Variants in UBR3 observed in about 807,000 individuals in gnomAD.
UBR3 encodes the protein ubiquitin protein ligase E3 component n-recognin 3.
Under a neutral mutation model 243.2 loss-of-function variants are expected in UBR3, and 85 were observed. The observed-to-expected ratio is 0.35, with a 90% CI of 0.29 to 0.42. The LOEUF (loss-of-function observed/expected upper bound fraction) is 0.42. Among genes scored for constraint, UBR3 ranks in the 10% least tolerant of loss-of-function variants. UBR3 has a pLI of 1.00. For missense variants in UBR3, 1,686 were observed against 2,300.8 expected (o/e 0.73, Z 5.47); for synonymous variants, 748 against 799.8 (o/e 0.94, Z 1.09).
At chr2:169,918,397 AT>A (rs2085547284) in intron 11 of UBR3, among the ~76,000 whole-genome samples, 1 of 151,444 alleles carries the variant, frequency 6.6e-6, no homozygotes, top group Non-Finnish European at 1.5e-5. Context: ...AGAGGCACAT[AT>A]TACATGTGTG....
At chr2:169,954,489 C>A (rs778772090) in intron 23 of UBR3, among the ~76,000 whole-genome samples, 1 of 151,664 alleles carries the variant, frequency 6.6e-6, no homozygotes, top group African/African-American at 2.4e-5. Context: ...GTGATCCCCC[C>A]GCCTCAGCCC....
At chr2:170,027,060 C>T (rs1414829111) in intron 30 of UBR3, among the ~76,000 whole-genome samples, 1 of 151,728 alleles carries the variant, frequency 6.6e-6, no homozygotes, top group Non-Finnish European at 1.5e-5. Flanking sequence ...GAATCTTGTA[C>T]TTTTATTTTA....
chr2:170,031,845 G>C (rs182951387), intron 31 of UBR3, among the ~76,000 whole-genome samples: 2 of 152,114 alleles, frequency 1.3e-5, no homozygotes, highest in Non-Finnish European at 2.9e-5. Flanking sequence ...TTGTGACAAA[G>C]GACATAATTT....
chr2:169,940,491 A>G (rs970064401), intron 19 of UBR3, among the ~76,000 whole-genome samples: 4 of 151,992 alleles, frequency 2.6e-5, no homozygotes, highest in African/African-American at 9.7e-5. Flanking sequence ...TGTTTTTTTG[A>G]TATTTTTGAG....
At chr2:170,029,845 A>G (rs1400159079) in intron 31 of UBR3, among the ~76,000 whole-genome samples, 1 of 152,060 alleles carries the variant, frequency 6.6e-6, no homozygotes, top group Non-Finnish European at 1.5e-5. Flanking sequence ...GCTAAAATCC[A>G]TTATTTCATT....
intron 24 of UBR3, among the ~76,000 whole-genome samples, chr2:169,961,224 A>G (rs776717933): frequency 5.3e-5 from 8 of 152,106 alleles, no homozygotes; most frequent in Non-Finnish European, 8.8e-5. Flanking sequence ...TTCTCCAGGC[A>G]TGCCTTATAG....
intron 24 of UBR3, among the ~76,000 whole-genome samples, chr2:169,972,693 A>G (rs1045838950): frequency 6.6e-6 from 1 of 152,050 alleles, no homozygotes; most frequent in African/African-American, 2.4e-5. Flanking sequence ...ATGCAGAAAA[A>G]GCCTTTGACA....
intron 30 of UBR3, among the ~76,000 whole-genome samples, chr2:170,027,874 C>T (rs1387032464): frequency 2.0e-5 from 3 of 151,774 alleles, no homozygotes; most frequent in Non-Finnish European, 4.4e-5. Flanking sequence ...GTATCATCTA[C>T]GAAACCAGGC....
At chr2:169,924,281 T>C (rs1001448033) in intron 13 of UBR3, 108 bp downstream of exon 13, 7 of 870,838 alleles carry the variant, frequency 8.0e-6, no homozygotes, top group Admixed American at 3.5e-5. Context: ...GTTTGAAAAC[T>C]TTTTTTAAAA....
intron 2 of UBR3, among the ~76,000 whole-genome samples, chr2:169,873,596 T>C (rs1454903957): frequency 1.3e-5 from 2 of 151,898 alleles, no homozygotes; most frequent in African/African-American, 2.4e-5. Context: ...TCCCTTGAGC[T>C]CAGGAGTTCA....
At chr2:170,004,178 G>A (rs920056715) in intron 27 of UBR3, among the ~76,000 whole-genome samples, 4 of 152,226 alleles carry the variant, frequency 2.6e-5, no homozygotes, top group African/African-American at 9.6e-5. Context: ...AAGAAAAAAT[G>A]TGGTGGGGGC....
intron 1 of UBR3, among the ~76,000 whole-genome samples, chr2:169,845,447 G>T (rs1254831921): frequency 9.5e-4 from 131 of 138,212 alleles, no homozygotes; most frequent in Non-Finnish European, 1.7e-3. Context: ...GAAATTTTGA[G>T]TTTTTTTTTT....
At chr2:169,903,446 G>A (rs942684970) in intron 8 of UBR3, among the ~76,000 whole-genome samples, 5 of 152,124 alleles carry the variant, frequency 3.3e-5, no homozygotes, top group African/African-American at 1.2e-4. Flanking sequence ...TCATGGCCAG[G>A]GGTTAGTATA....
intron 5 of UBR3, among the ~76,000 whole-genome samples, chr2:169,888,879 A>G (rs149100474): frequency 2.9e-4 from 44 of 152,250 alleles, no homozygotes; most frequent in African/African-American, 9.9e-4. Flanking sequence ...GTGTGCTATT[A>G]TATATTTACC....
chr2:169,832,288 C>T (rs760982985), intron 1 of UBR3, among the ~76,000 whole-genome samples: 8 of 152,204 alleles, frequency 5.3e-5, no homozygotes, highest in Non-Finnish European at 1.0e-4. Context: ...CGGTGGCTCA[C>T]GCCTGCAATC....
At chr2:169,990,438 A>G (rs1375590758) in intron 25 of UBR3, among the ~76,000 whole-genome samples, 1 of 152,120 alleles carries the variant, frequency 6.6e-6, no homozygotes, top group African/African-American at 2.4e-5. Context: ...CAAAGTTGCA[A>G]AGATTCAGAA....
At chr2:169,838,163 GATAC>G (rs2082168112) in intron 1 of UBR3, among the ~76,000 whole-genome samples, 1 of 152,124 alleles carries the variant, frequency 6.6e-6, no homozygotes, top group Admixed American at 6.5e-5. Flanking sequence ...GTTGCAGAAA[GATAC>G]ATGTTCAAGT....
chr2:169,910,663 G>T (rs1408163759), intron 10 of UBR3, among the ~76,000 whole-genome samples: 1 of 152,068 alleles, frequency 6.6e-6, no homozygotes, highest in Non-Finnish European at 1.5e-5. Context: ...CATTCTCTTC[G>T]TGAGCACTTA....
chr2:169,926,638 TAGA>T, intron 14 of UBR3, 51 bp from the exon 15 acceptor site: 2 of 1,460,794 alleles, frequency 1.4e-6, no homozygotes, highest in East Asian at 2.5e-5. Context: ...ACATGATTAA[TAGA>T]AGAAGGAAAA....
Sources: allele counts gnomAD v4.1 joint callset (sites outside exome capture counted in the v4.1 genomes callset), GRCh38; gene constraint gnomAD v4.1.1; transcripts MANE v1.5; gene names NCBI Gene and HGNC (gene_info 2026-07-23, HGNC 2026-07-21).